The following POLQ variants were observed in gnomAD, a reference collection of about 807,000 sequenced individuals.
The protein encoded by POLQ is DNA polymerase theta.
POLQ carries 233 observed loss-of-function variants against 259.2 expected under a neutral mutation model. The ratio of observed to expected loss-of-function variants is 0.90; its 90% confidence interval spans 0.81 to 1.00. The LOEUF (loss-of-function observed/expected upper bound fraction) is 1.00. Ranked by LOEUF, POLQ falls within the 50% of genes least tolerant of loss-of-function variation. The pLI is 0.00. For synonymous variants in POLQ, 1,025 were observed against 1,048.8 expected (o/e 0.98, Z 0.44); for missense variants, 2,871 against 3,051.6 (o/e 0.94, Z 1.39).
intron 25 of POLQ, among the ~76,000 whole-genome samples, chr3:121,457,927 C>A (rs1051040755): frequency 6.6e-6 from 1 of 152,126 alleles, no homozygotes; most frequent in Non-Finnish European, 1.5e-5. Flanking sequence ...TATAAAGATA[C>A]ATGCACACGT....
chr3:121,528,625 GAGCCA>G (rs1236788433), intron 7 of POLQ, among the ~76,000 whole-genome samples: 1 of 151,980 alleles, frequency 6.6e-6, no homozygotes, highest in African/African-American at 2.4e-5. Context: ...TTACAGGCAT[GAGCCA>G]CCACGCCTGG....
intron 26 of POLQ, among the ~76,000 whole-genome samples, chr3:121,444,514 C>A (rs193094776): frequency 1.9e-4 from 29 of 152,180 alleles, no homozygotes; most frequent in Admixed American, 1.7e-3. Context: ...TAGGTTTTTC[C>A]ATATATAAGA....
chr3:121,477,321 A>G (rs1576410617), intron 19 of POLQ, among the ~76,000 whole-genome samples: 1 of 152,208 alleles, frequency 6.6e-6, no homozygotes, highest in East Asian at 1.9e-4. Flanking sequence ...GGTTCAGTGT[A>G]CACAAATTTT....
intron 12 of POLQ, among the ~76,000 whole-genome samples, chr3:121,505,863 A>T (rs910883920): frequency 2.6e-5 from 4 of 151,280 alleles, no homozygotes; most frequent in African/African-American, 4.9e-5. Flanking sequence ...AAAAAAAAAA[A>T]AATACAAAAT....
chr3:121,504,110 C>T (rs536542179), intron 12 of POLQ, among the ~76,000 whole-genome samples: 6 of 152,134 alleles, frequency 3.9e-5, no homozygotes, highest in East Asian at 1.9e-4. Flanking sequence ...TCAGATGATC[C>T]GCTGAAAGAA....
At position 121,488,654 on chromosome 3, in the gene POLQ, T is replaced by C. The variant is rs1438942080; in HGVS notation, c.4277A>G (p.Asn1426Ser). ...IFHSPILLEE[N>S]GLFLKKNEVS... ...TTCATTCTTTTTTAAAAAAAGACCA[T>C]TTTCCTCCAATAGTATTGGAGAATG... The change falls in exon 16 of 30, where the codon AAT (asparagine) becomes AGT (serine). Residue 1426 changes from asparagine to serine, a missense_variant. Around this residue, in one of 3 missense-constraint regions of POLQ, gnomAD observed 2,080 missense variants for 2,126.0 expected, o/e 0.98. Coordinates refer to ENST00000264233, the MANE Select transcript of POLQ (RefSeq NM_199420.4). The C allele has an allele frequency of 1.2e-6, 2 of 1,603,594 alleles. No homozygotes were observed. The highest frequency in any genetic ancestry group is 1.7e-6 in the Non-Finnish European group (2 of 1,177,418).
intron 16 of POLQ, among the ~76,000 whole-genome samples, chr3:121,486,201 T>C (rs1423756074): frequency 6.6e-6 from 1 of 152,226 alleles, no homozygotes; most frequent in Non-Finnish European, 1.5e-5. Flanking sequence ...AAGTTCCTAT[T>C]AGCAATGTAA....
At position 121,432,189 on chromosome 3, in the gene POLQ, G is replaced by T; in HGVS notation, c.*115C>A. On this transcript the variant is annotated 3_prime_UTR_variant, in exon 30 of 30. Transcript: ENST00000264233. ...TCTCACTATAAAATTACTAGGCTAA[G>T]TCTATCAAGACTTGAAAGTTTGTTT... 1 of 948,946 alleles carries T rather than the reference G, an allele frequency of 1.1e-6. No individual in the cohort carries two copies. The highest frequency in any genetic ancestry group is 1.5e-6 in the Non-Finnish European group (1 of 663,304). 58.8% of individuals were successfully genotyped at this position (948,946 alleles called of 1,614,324 possible). A position where few individuals can be genotyped will look rare whatever the true frequency, so the allele number is the denominator to read the frequency against.
rs541849487 is a variant in POLQ, at chr3:121,510,478, G to C, written c.1612-235C>G. Among the ~76,000 whole-genome samples the C allele has an allele frequency of 1.2e-4, 19 of 152,164 alleles. No individual in the cohort carries two copies. The East Asian group carries it at 3.7e-3, about 29-fold the overall frequency. ...TGTAGTCCCAGCTACTTGGGAGGCT[G>C]AGGCAGGAGAATGGCATGAACCCAA... On this transcript the variant is annotated intron_variant, in intron 10 of 29. Coordinates refer to ENST00000264233, the MANE Select transcript of POLQ (RefSeq NM_199420.4).
chr3:121,449,392 T>C lies in POLQ; in HGVS notation c.7187A>G (p.Lys2396Arg). ...AATGCCCATCTGCTCTCCCAAAGAT[T>C]TAGCTCCCATTCCATAAATGATCCC... ...CYGIIYGMGAKSLGEQMGIKE... is the reference protein window; with the variant it reads ...CYGIIYGMGARSLGEQMGIKE... Residue 2396 changes from lysine to arginine, a missense_variant, in exon 26 of 30, where the codon AAA becomes AGA. Lys to Arg is a conservative substitution (Grantham distance 26). Coordinates refer to ENST00000264233, the MANE Select transcript of POLQ (RefSeq NM_199420.4). 1 of 1,603,018 alleles carries C rather than the reference T, an allele frequency of 6.2e-7. No homozygotes were observed. The highest frequency in any genetic ancestry group is 8.5e-7 in the Non-Finnish European group (1 of 1,169,990).
At position 121,487,318 on chromosome 3, in the gene POLQ, G is replaced by A. The variant is rs762158345; in HGVS notation, c.5613C>T (p.Gly1871=). The change falls in exon 16 of 30, where the codon GGC becomes GGT. Residue 1871 remains glycine (G), a synonymous_variant. Coordinates refer to ENST00000264233, the MANE Select transcript of POLQ (RefSeq NM_199420.4). ...AATTCTTACCTTGCTTAAACCTACTGCCAATAGTAGCAGTTTTAGAAGATG... is the reference window on the plus strand; with the variant it reads ...AATTCTTACCTTGCTTAAACCTACTACCAATAGTAGCAGTTTTAGAAGATG... The part of the protein sequence containing the change: ...SLTSSKTATI[G]SRFKQASSPQ... 6.3e-7 allele frequency: 1 copy of A among 1,584,752 alleles called. No individual in the cohort carries two copies. Among genetic ancestry groups the A allele is most frequent in the Non-Finnish European group, 8.6e-7 (1 of 1,167,226 alleles).
At chr3:121,503,072 G>A (rs2048184690) in intron 12 of POLQ, among the ~76,000 whole-genome samples, 1 of 152,204 alleles carries the variant, frequency 6.6e-6, no homozygotes, top group African/African-American at 2.4e-5. Context: ...TTATAATGGA[G>A]CTGAAAAATT....
chr3:121,510,239 A>G lies in POLQ; in HGVS notation c.1616T>C (p.Ile539Thr). 1 of 1,606,180 alleles carries G rather than the reference A, an allele frequency of 6.2e-7. No homozygotes were observed. The highest frequency in any genetic ancestry group is 1.1e-5 in the South Asian group (1 of 90,544). ...TGATGTACTTGCCACTCCACCAACT[A>G]TTATCTGAAAGAAGATATTTGGAAA... is the stretch of plus-strand genomic sequence containing the variant. ...GSMIRAILEI[I>T]VGGVASTSQD... The change falls in exon 11 of 30, where the codon ATA (isoleucine) becomes ACA (threonine). Residue 539 changes from isoleucine to threonine, a missense_variant. This residue lies in a region of POLQ where 783 missense variants were observed against 906.2 expected (regional missense o/e 0.86). Coordinates refer to ENST00000264233, the MANE Select transcript of POLQ (RefSeq NM_199420.4).
intron 12 of POLQ, 67 bp downstream of exon 12, chr3:121,509,494 G>T: frequency 1.5e-6 from 2 of 1,371,626 alleles, no homozygotes; most frequent in Non-Finnish European, 2.0e-6. Flanking sequence ...TATCTTTGAT[G>T]TTCAGGATTA....
rs757833005 is a variant in POLQ, at chr3:121,489,983, C to T, written c.2948G>A (p.Cys983Tyr). ...FQNGNQEHQT[C>Y]SIFRARKRAS... ...CCGTTTTCTTGCTCTGAAAATGGAA[C>T]ATGTCTGATGTTCTTGATTCCCATT... Residue 983 changes from cysteine to tyrosine, a missense_variant, in exon 16 of 30, where the codon TGT becomes TAT. Cys to Tyr is a radical substitution (Grantham distance 194, BLOSUM62 -2). This residue lies in a region of POLQ where 2,080 missense variants were observed against 2,126.0 expected (regional missense o/e 0.98). Coordinates refer to ENST00000264233, the MANE Select transcript of POLQ (RefSeq NM_199420.4). 2 of 1,582,270 alleles carry T rather than the reference C, an allele frequency of 1.3e-6. No individual in the cohort carries two copies. Among genetic ancestry groups the T allele is most frequent in the South Asian group, 1.2e-5 (1 of 84,024 alleles).
intron 10 of POLQ, among the ~76,000 whole-genome samples, chr3:121,511,384 G>A (rs1033265859): frequency 4.6e-5 from 7 of 151,940 alleles, no homozygotes; most frequent in African/African-American, 9.7e-5. Context: ...GCAACAGAGC[G>A]AGACTTCATC....
intron 27 of POLQ, among the ~76,000 whole-genome samples, chr3:121,437,289 G>A (rs372705481): frequency 1.3e-5 from 2 of 152,152 alleles, no homozygotes; most frequent in South Asian, 4.1e-4. Flanking sequence ...ATGTAGGAGA[G>A]AATATTTTCT....
rs796887971 is a variant in POLQ, at chr3:121,520,235, C to A, written c.1256-152G>T. On this transcript the variant is annotated intron_variant, in intron 8 of 29. Coordinates refer to ENST00000264233, the MANE Select transcript of POLQ (RefSeq NM_199420.4). ...TGACAAAGGAGTCATCACAGTCTAT[C>A]TCTTTAACAGCATAATCTGGCCGGG... 9 of 625,730 alleles carry A rather than the reference C, an allele frequency of 1.4e-5. No homozygotes were observed. In the African/African-American group the frequency reaches 1.5e-4, roughly 10 times the overall value. The allele number at this position is 625,730 out of a possible 1,614,324, so 38.8% of individuals were successfully genotyped here.
At chr3:121,544,696 A>T (rs758450185) in intron 2 of POLQ, 31 bp downstream of exon 2, 1 of 1,409,642 alleles carries the variant, frequency 7.1e-7, no homozygotes, top group Non-Finnish European at 1.0e-6. Context: ...ATATCTTAAA[A>T]ATAGTAATTA....
Sources: allele counts gnomAD v4.1 joint callset (sites outside exome capture counted in the v4.1 genomes callset), GRCh38; gene constraint gnomAD v4.1.1; regional missense constraint gnomAD v4.1.1; transcripts MANE v1.5; gene names NCBI Gene and HGNC (gene_info 2026-07-23, HGNC 2026-07-21).